Variants in IQSEC1 observed in about 807,000 individuals in gnomAD.
IQSEC1 encodes IQ motif and Sec7 domain ArfGEF 1.
A neutral mutation model predicts 91.0 loss-of-function variants in IQSEC1; 31 were observed. That is an observed-to-expected ratio of 0.34 (90% CI 0.26 to 0.46). IQSEC1 has a LOEUF of 0.46. IQSEC1 is among the 20% of genes least tolerant of loss of function. The pLI is 1.00. For missense variants in IQSEC1, 1,388 were observed against 1,575.6 expected (o/e 0.88, Z 2.02); for synonymous variants, 699 against 662.6 (o/e 1.05, Z -0.84).
intron 1 of IQSEC1, among the ~76,000 whole-genome samples, chr3:13,220,766 T>C (rs1343334277): frequency 6.6e-6 from 1 of 152,232 alleles, no homozygotes; most frequent in Non-Finnish European, 1.5e-5. Context: ...CGATGCCGCC[T>C]GGACACTCAC....
intron 1 of IQSEC1, among the ~76,000 whole-genome samples, chr3:13,237,226 C>A (rs1247192075): frequency 6.6e-6 from 1 of 152,232 alleles, no homozygotes; most frequent in African/African-American, 2.4e-5. Context: ...AGAGCCCTTT[C>A]TGTGTGGATG....
intron 1 of IQSEC1, among the ~76,000 whole-genome samples, chr3:13,012,832 G>C (rs1219134740): frequency 6.6e-6 from 1 of 152,166 alleles, no homozygotes; most frequent in Admixed American, 6.5e-5. Context: ...ATGCCCGTTA[G>C]GTTTGGATTT....
intron 1 of IQSEC1, among the ~76,000 whole-genome samples, chr3:12,991,960 T>C (rs1702010902): frequency 6.6e-6 from 1 of 151,650 alleles, no homozygotes; most frequent in Non-Finnish European, 1.5e-5. Flanking sequence ...TGAAAGAGAG[T>C]GGCAACTCCA....
intron 1 of IQSEC1, among the ~76,000 whole-genome samples, chr3:13,038,262 G>GTGTGTATA (rs1491471643): frequency 2.0e-5 from 2 of 101,236 alleles, no homozygotes; most frequent in African/African-American, 7.3e-5. Context: ...GTGTGTGTGT[G>GTGTGTATA]TATATATATA....
chr3:13,072,866 C>T, intron 1 of IQSEC1, 126 bp downstream of exon 1: 1 of 824,762 alleles, frequency 1.2e-6, no homozygotes, highest in African/African-American at 1.7e-5. Flanking sequence ...GGGTGGCCAG[C>T]TCCCTCTGCA....
chr3:12,961,932 G>A lies in IQSEC1; in HGVS notation c.24-20067C>T, dbSNP rs138121550. On this transcript the variant is annotated intron_variant, in intron 1 of 13. Coordinates refer to ENST00000613206, the MANE Select transcript of IQSEC1 (RefSeq NM_001134382.3). ...AGGAGCAGAGCTGGCTTTAGAGTTG[G>A]AGTTAGAGTTACAGGTAGTCTGACT... is the stretch of plus-strand genomic sequence containing the variant. Among the ~76,000 whole-genome samples the A allele has an allele frequency of 1.5e-4, 23 of 152,362 alleles. No homozygotes were observed. In the East Asian group the frequency reaches 4.4e-3, roughly 29 times the overall value.
intron 1 of IQSEC1, among the ~76,000 whole-genome samples, chr3:13,269,944 C>T (rs1193088264): frequency 1.3e-5 from 2 of 152,204 alleles, no homozygotes; most frequent in Non-Finnish European, 2.9e-5. Context: ...GGTCCAATCA[C>T]AAGAAGCCTC....
chr3:12,942,426 C>T (rs1438903795), intron 1 of IQSEC1, among the ~76,000 whole-genome samples: 1 of 151,554 alleles, frequency 6.6e-6, no homozygotes, highest in East Asian at 1.9e-4. Context: ...CACGGCGAAA[C>T]CCTGTCTCTA....
At chr3:13,165,547 T>TGG (rs1693475819) in intron 1 of IQSEC1, among the ~76,000 whole-genome samples, 1 of 100,760 alleles carries the variant, frequency 9.9e-6, no homozygotes, top group African/African-American at 3.6e-5. Context: ...CGTGTGTGTG[T>TGG]GTGTGTGTGT....
chr3:13,007,581 T>C (rs1376596267), intron 1 of IQSEC1, among the ~76,000 whole-genome samples: 2 of 152,250 alleles, frequency 1.3e-5, no homozygotes, highest in African/African-American at 4.8e-5. Context: ...AGGGCAGATA[T>C]TCCTGTTGGA....
At chr3:12,974,481 C>G (rs1356831702) in intron 1 of IQSEC1, among the ~76,000 whole-genome samples, 2 of 152,206 alleles carry the variant, frequency 1.3e-5, no homozygotes, top group African/African-American at 4.8e-5. Context: ...GCTGGACTGC[C>G]TCTCCCAAAT....
At position 12,973,181 on chromosome 3, in the gene IQSEC1, C is replaced by T. The variant is rs551317756; in HGVS notation, c.24-31316G>A. Reference sequence around the variant, plus strand: ...ACGTGACACTGAACTGCTCAGGCACCACACCTGCATTGTAATCCAGCTCCT... The same window carrying T: ...ACGTGACACTGAACTGCTCAGGCACTACACCTGCATTGTAATCCAGCTCCT... On this transcript the variant is annotated intron_variant, in intron 1 of 13. Coordinates refer to ENST00000613206, the MANE Select transcript of IQSEC1 (RefSeq NM_001134382.3). Among the ~76,000 whole-genome samples, 9 of 152,274 alleles carry T rather than the reference C, an allele frequency of 5.9e-5. No homozygotes were observed. In the South Asian group the frequency reaches 1.9e-3, roughly 32 times the overall value.
At chr3:13,179,038 C>T (rs1246270911) in intron 1 of IQSEC1, among the ~76,000 whole-genome samples, 1 of 152,194 alleles carries the variant, frequency 6.6e-6, no homozygotes, top group Non-Finnish European at 1.5e-5. Flanking sequence ...TCCCTAGTTC[C>T]TGTTTCTTAT....
chr3:13,212,821 G>C (rs1694470894), intron 1 of IQSEC1, among the ~76,000 whole-genome samples: 1 of 152,166 alleles, frequency 6.6e-6, no homozygotes, highest in Non-Finnish European at 1.5e-5. Flanking sequence ...TATCTTGTCT[G>C]GACACATGTC....
At chr3:13,093,671 C>G (rs1444111673) in intron 2 of IQSEC1, among the ~76,000 whole-genome samples, 1 of 152,176 alleles carries the variant, frequency 6.6e-6, no homozygotes, top group Non-Finnish European at 1.5e-5. Context: ...GGACACAAGA[C>G]GCATGCAGCT....
chr3:13,193,709 G>T lies in IQSEC1; in HGVS notation c.273-29576C>A, dbSNP rs1694075583. ...ACCAAAGGCTGATGTCAGAGCTTAA[G>T]CCTCCCTCCTCCAACGGGCTCTCCC... On this transcript the variant is annotated intron_variant, in intron 1 of 15. Transcript: ENST00000648114. The surrounding 1 kb of genome is among the most constrained non-coding windows in gnomAD (Gnocchi z 4.2). 6.6e-6 allele frequency among the ~76,000 whole-genome samples: 1 copy of T among 152,146 alleles called. No individual in the cohort carries two copies. Among genetic ancestry groups the T allele is most frequent in the Admixed American group, 6.5e-5 (1 of 15,276 alleles).
At chr3:13,188,060 A>G (rs1483334018) in intron 1 of IQSEC1, among the ~76,000 whole-genome samples, 3 of 152,186 alleles carry the variant, frequency 2.0e-5, no homozygotes, top group Admixed American at 6.5e-5. Context: ...TCCCATCTCC[A>G]GCCATTCTGT....
At chr3:13,209,355 T>C (rs1389713205) in intron 1 of IQSEC1, among the ~76,000 whole-genome samples, 3 of 152,270 alleles carry the variant, frequency 2.0e-5, no homozygotes, top group Non-Finnish European at 4.4e-5. Flanking sequence ...AGATTAAATG[T>C]GCCTGGCCTG....
Position 12,940,011 on chromosome 3 carries a change from T to C in IQSEC1, c.318+1560A>G, listed in dbSNP as rs1698604493. ...ATAATATGCATGGAATGAAAATGAA[T>C]AGCTGCAGTCCTATTAGGCCCACAG... On this transcript the variant is annotated intron_variant, in intron 2 of 13. Transcript: ENST00000613206. The surrounding 1 kb of genome is among the most constrained non-coding windows in gnomAD (Gnocchi z 4.4). Among the ~76,000 whole-genome samples the C allele has an allele frequency of 6.6e-6, 1 of 152,234 alleles. No individual in the cohort carries two copies. Among genetic ancestry groups the C allele is most frequent in the South Asian group, 2.1e-4 (1 of 4,826 alleles).
Sources: gnomAD v4.1 joint callset for allele counts (sites outside exome capture counted in the v4.1 genomes callset) on GRCh38, gnomAD v4.1.1 for gene constraint, Gnocchi (gnomAD v3.1) non-coding constraint, MANE v1.5 for transcripts, NCBI Gene and HGNC (gene_info 2026-07-23, HGNC 2026-07-21) for gene names.